Variants in DYNC1I1 observed in about 807,000 individuals in gnomAD.
DYNC1I1 encodes dynein cytoplasmic 1 intermediate chain 1, also known as cytoplasmic dynein 1 intermediate chain 1.
DYNC1I1 carries 43 observed loss-of-function variants against 86.6 expected under a neutral mutation model. That is an observed-to-expected ratio of 0.50 (90% CI 0.39 to 0.64). The LOEUF is 0.64. DYNC1I1 is among the 30% of genes least tolerant of loss of function. DYNC1I1 has a pLI of 0.00. For missense variants in DYNC1I1, 604 were observed against 788.8 expected (o/e 0.77, Z 2.81); for synonymous variants, 262 against 283.7 (o/e 0.92, Z 0.77).
chr7:95,862,122 TTG>T (rs1472404202), intron 5 of DYNC1I1, among the ~76,000 whole-genome samples: 1 of 152,182 alleles, frequency 6.6e-6, no homozygotes, highest in Non-Finnish European at 1.5e-5. Flanking sequence ...GTTTAAGTCT[TTG>T]TGTCCTTGGG....
At chr7:95,932,991 C>T (rs1022602950) in intron 6 of DYNC1I1, among the ~76,000 whole-genome samples, 1 of 151,590 alleles carries the variant, frequency 6.6e-6, no homozygotes, top group Non-Finnish European at 1.5e-5. Context: ...AGTGATCCTC[C>T]TGCCTCAGCT....
intron 13 of DYNC1I1, among the ~76,000 whole-genome samples, chr7:96,037,223 C>T (rs766084301): frequency 3.9e-5 from 6 of 152,170 alleles, no homozygotes; most frequent in Admixed American, 1.3e-4. Context: ...CAGTCCATTC[C>T]CAATGATCCT....
chr7:95,806,853 T>G (rs1413639902), intron 2 of DYNC1I1, among the ~76,000 whole-genome samples: 1 of 152,146 alleles, frequency 6.6e-6, no homozygotes. Flanking sequence ...CTTGGTTTGT[T>G]CTGAGCAGCC....
chr7:95,971,164 G>T (rs1380024355), intron 6 of DYNC1I1, among the ~76,000 whole-genome samples: 1 of 152,180 alleles, frequency 6.6e-6, no homozygotes, highest in Non-Finnish European at 1.5e-5. Context: ...CTGGAACCTA[G>T]AAGGGATATC....
chr7:95,854,006 A>AT (rs926448959), intron 5 of DYNC1I1, among the ~76,000 whole-genome samples: 2 of 152,010 alleles, frequency 1.3e-5, no homozygotes, highest in African/African-American at 4.8e-5. Flanking sequence ...TGGAATATAT[A>AT]TTTTTTCATC....
chr7:96,076,295 G>A, intron 15 of DYNC1I1, 98 bp downstream of exon 15: 1 of 1,506,140 alleles, frequency 6.6e-7, no homozygotes, highest in Non-Finnish European at 8.9e-7. Flanking sequence ...GCCTTTTTTG[G>A]ACAGACCTTC....
intron 6 of DYNC1I1, among the ~76,000 whole-genome samples, chr7:95,945,392 C>T (rs1584188043): frequency 6.6e-6 from 1 of 152,230 alleles, no homozygotes; most frequent in Non-Finnish European, 1.5e-5. Flanking sequence ...TATCTCTGCT[C>T]AAGATTCCCA....
intron 10 of DYNC1I1, among the ~76,000 whole-genome samples, chr7:96,013,300 G>T (rs1457204226): frequency 1.3e-5 from 2 of 152,162 alleles, no homozygotes; most frequent in East Asian, 3.9e-4. Context: ...TCTAGAAGTT[G>T]GAAAGAAGGC....
At chr7:95,935,436 T>C (rs952280313) in intron 6 of DYNC1I1, among the ~76,000 whole-genome samples, 3 of 152,078 alleles carry the variant, frequency 2.0e-5, no homozygotes, top group Non-Finnish European at 2.9e-5. Context: ...TCAATTTACA[T>C]AGGAGTACTA....
chr7:96,083,560 T>G (rs1030965040), intron 16 of DYNC1I1, among the ~76,000 whole-genome samples: 1 of 152,100 alleles, frequency 6.6e-6, no homozygotes, highest in Non-Finnish European at 1.5e-5. Flanking sequence ...TAAAGAGAAG[T>G]GCACCCTCTA....
At chr7:95,809,776 T>A (rs1315865936) in intron 2 of DYNC1I1, among the ~76,000 whole-genome samples, 2 of 152,144 alleles carry the variant, frequency 1.3e-5, no homozygotes, top group Non-Finnish European at 2.9e-5. Flanking sequence ...ATTTTCTTCT[T>A]CCAGTTAGTA....
chr7:96,109,031 ATCT>A (rs1791264488), intron 16 of DYNC1I1, among the ~76,000 whole-genome samples: 1 of 152,094 alleles, frequency 6.6e-6, no homozygotes, highest in South Asian at 2.1e-4. Flanking sequence ...ATTCTATAAC[ATCT>A]TCTTATCATC....
At chr7:95,889,861 C>T (rs1366408629) in intron 6 of DYNC1I1, among the ~76,000 whole-genome samples, 1 of 152,174 alleles carries the variant, frequency 6.6e-6, no homozygotes, top group African/African-American at 2.4e-5. Context: ...CATCACTGAT[C>T]ATGAGAGAAA....
intron 6 of DYNC1I1, among the ~76,000 whole-genome samples, chr7:95,885,487 T>A (rs1790570395): frequency 6.6e-6 from 1 of 151,910 alleles, no homozygotes; most frequent in African/African-American, 2.4e-5. Context: ...CTTCATTTTT[T>A]TCTTCCTAAG....
chr7:95,865,375 AAT>A (rs934326796), intron 5 of DYNC1I1, among the ~76,000 whole-genome samples: 119 of 152,110 alleles, frequency 7.8e-4, no homozygotes, highest in African/African-American at 2.8e-3. Context: ...TTTGAGTCTC[AAT>A]TTATATTTCT....
At position 95,998,951 on chromosome 7, in the gene DYNC1I1, G is replaced by A. The variant is rs150036015; in HGVS notation, c.969+2878G>A. 5.8e-4 allele frequency among the ~76,000 whole-genome samples: 88 copies of A among 152,304 alleles called. No homozygotes were observed. The South Asian group carries it at 6.4e-3, about 11-fold the overall frequency. Reference sequence around the variant, plus strand: ...GTTTCATTTCTCTCTGTTATGGATAGCAAGGCCAAAAAGTATCTTCTACTG... The same window carrying A: ...GTTTCATTTCTCTCTGTTATGGATAACAAGGCCAAAAAGTATCTTCTACTG... On this transcript the variant is annotated intron_variant, in intron 10 of 16. Transcript: ENST00000447467.
chr7:96,062,281 T>C (rs1291757329), intron 14 of DYNC1I1, among the ~76,000 whole-genome samples: 1 of 152,206 alleles, frequency 6.6e-6, no homozygotes, highest in African/African-American at 2.4e-5. Context: ...GAGCTGTATT[T>C]TAAATGATGA....
chr7:95,998,857 A>G (rs1584239165), intron 10 of DYNC1I1, among the ~76,000 whole-genome samples: 1 of 152,222 alleles, frequency 6.6e-6, no homozygotes, highest in Non-Finnish European at 1.5e-5. Context: ...AGAAACAGAC[A>G]TCAGCTCCAT....
At chr7:95,793,820 G>T (rs1310630643) in intron 1 of DYNC1I1, among the ~76,000 whole-genome samples, 1 of 152,164 alleles carries the variant, frequency 6.6e-6, no homozygotes, top group Non-Finnish European at 1.5e-5. Context: ...TGTTTACTCA[G>T]TGCCTACTAT....
Sources: gnomAD v4.1 joint callset for allele counts (sites outside exome capture counted in the v4.1 genomes callset) on GRCh38, gnomAD v4.1.1 for gene constraint, MANE v1.5 for transcripts, NCBI Gene and HGNC (gene_info 2026-07-23, HGNC 2026-07-21) for gene names.